TRPC4AP: variants seen among roughly 807,000 people sequenced by gnomAD.
The protein encoded by TRPC4AP is transient receptor potential cation channel subfamily C member 4 associated protein, also known as short transient receptor potential channel 4-associated protein.
TRPC4AP carries 45 observed loss-of-function variants against 99.0 expected under a neutral mutation model. The ratio of observed to expected loss-of-function variants is 0.45; its 90% CI spans 0.36 to 0.58. The LOEUF is 0.58. Among genes scored for constraint, TRPC4AP ranks in the 20% least tolerant of loss-of-function variants. The pLI, the probability that TRPC4AP is intolerant of heterozygous loss-of-function variation, is 0.00. For missense variants in TRPC4AP, 879 were observed against 985.3 expected (o/e 0.89, Z 1.44); for synonymous variants, 408 against 385.8 (o/e 1.06, Z -0.67).
chr20:35,019,291 G>A (rs533384448), intron 9 of TRPC4AP, among the ~76,000 whole-genome samples: 1 of 152,316 alleles, frequency 6.6e-6, no homozygotes, highest in Non-Finnish European at 1.5e-5. Flanking sequence ...TGGGGGGCCA[G>A]GATTTCAAGG....
intron 10 of TRPC4AP, among the ~76,000 whole-genome samples, chr20:35,015,277 G>A (rs1467143681): frequency 2.6e-5 from 4 of 151,784 alleles, no homozygotes; most frequent in Non-Finnish European, 5.9e-5. Flanking sequence ...CTGGGATTAC[G>A]GGTGTGACCA....
rs2083293877 is a variant in TRPC4AP at position 35,035,316 on chromosome 20, G to C, written c.866-8C>G. 6.2e-7 allele frequency: 1 copy of C among 1,611,190 alleles called. No homozygotes were observed. The highest frequency in any genetic ancestry group is 1.1e-5 in the South Asian group (1 of 90,722). On this transcript the variant is annotated splice_region_variant and splice_polypyrimidine_tract_variant and intron_variant, in intron 7 of 18. Coordinates refer to ENST00000252015, the MANE Select transcript of TRPC4AP (RefSeq NM_015638.3). ...GAATGCTGAGAAGGGCCGCTGCCAGGGAAAGAACAAGCGAGGAAATTTTCA... is the reference window on the plus strand; with the variant it reads ...GAATGCTGAGAAGGGCCGCTGCCAGCGAAAGAACAAGCGAGGAAATTTTCA...
intron 8 of TRPC4AP, among the ~76,000 whole-genome samples, chr20:35,028,432 C>T (rs146555090): frequency 3.9e-5 from 6 of 152,228 alleles, no homozygotes; most frequent in African/African-American, 1.4e-4. Flanking sequence ...TCCTGTTTGA[C>T]CCACTGGTTA....
At chr20:35,055,096 A>AT in intron 4 of TRPC4AP, 65 bp from the exon 5 acceptor site, 4 of 1,435,868 alleles carry the variant, frequency 2.8e-6, no homozygotes, top group Admixed American at 1.7e-5. Flanking sequence ...CAGTTACCAC[A>AT]TTTTTTTCAG....
intron 3 of TRPC4AP, among the ~76,000 whole-genome samples, chr20:35,061,694 G>A (rs2084012826): frequency 6.6e-6 from 1 of 152,126 alleles, no homozygotes; most frequent in Non-Finnish European, 1.5e-5. Context: ...TGCCTCACAT[G>A]ATAAACAAAG....
At position 35,021,353 on chromosome 20, in the gene TRPC4AP, G is replaced by A. The variant is rs771169325; in HGVS notation, c.1055C>T (p.Ser352Phe). The change falls in exon 9 of 19, where the codon TCC (serine) becomes TTC (phenylalanine). Residue 352 changes from serine (S) to phenylalanine (F), a missense_variant. This residue lies in a region of TRPC4AP where 603 missense variants were observed against 631.8 expected (regional missense o/e 0.95). Coordinates refer to ENST00000252015, the MANE Select transcript of TRPC4AP (RefSeq NM_015638.3). ...ANEESEHNQA[S>F]IVFPPPGASE... Reference sequence around the variant, plus strand: ...AGCCCCTGGAGGAGGGAACACAATGGAGGCTGACACAGCCACCGGAGACAG... The same window carrying A: ...AGCCCCTGGAGGAGGGAACACAATGAAGGCTGACACAGCCACCGGAGACAG... 6.2e-7 allele frequency: 1 copy of A among 1,613,466 alleles called. No individual in the cohort carries two copies. Among genetic ancestry groups the A allele is most frequent in the Non-Finnish European group, 8.5e-7 (1 of 1,179,638 alleles).
At chr20:35,064,859 A>G (rs1041161665) in intron 3 of TRPC4AP, among the ~76,000 whole-genome samples, 1 of 152,238 alleles carries the variant, frequency 6.6e-6, no homozygotes, top group African/African-American at 2.4e-5. Flanking sequence ...TCAACAAAAT[A>G]GATAGAATAA....
intron 4 of TRPC4AP, among the ~76,000 whole-genome samples, chr20:35,056,135 C>T (rs1234118432): frequency 6.6e-6 from 1 of 152,222 alleles, no homozygotes; most frequent in Non-Finnish European, 1.5e-5. Context: ...AGACGCTCTG[C>T]ATCCCTTATC....
intron 3 of TRPC4AP, among the ~76,000 whole-genome samples, chr20:35,067,269 G>C (rs1023741398): frequency 6.6e-6 from 1 of 152,232 alleles, no homozygotes; most frequent in African/African-American, 2.4e-5. Context: ...GGGACTGTTT[G>C]AGTCCGGGAG....
chr20:35,045,517 C>T (rs759335732), intron 6 of TRPC4AP, among the ~76,000 whole-genome samples: 6 of 152,036 alleles, frequency 3.9e-5, no homozygotes, highest in African/African-American at 7.2e-5. Context: ...ACTACAGGTG[C>T]GTGTCATTAC....
At chr20:35,063,835 T>A (rs886778019) in intron 3 of TRPC4AP, among the ~76,000 whole-genome samples, 4 of 152,204 alleles carry the variant, frequency 2.6e-5, no homozygotes, top group African/African-American at 9.7e-5. Flanking sequence ...CACTCCAGCC[T>A]GTGACACAGT....
Position 35,002,598 on chromosome 20 carries a change from C to A in TRPC4AP, c.*548G>T. 5.4e-6 allele frequency: 1 copy of A among 184,178 alleles called. No homozygotes were observed. The highest frequency in any genetic ancestry group is 1.1e-5 in the Non-Finnish European group (1 of 89,406). 11.4% of individuals were successfully genotyped at this position (184,178 alleles called of 1,614,324 possible). A position where few individuals can be genotyped will look rare whatever the true frequency, so the allele number is the denominator to read the frequency against. On this transcript the variant is annotated 3_prime_UTR_variant, in exon 19 of 19. Transcript: ENST00000252015. The stretch of plus-strand genomic sequence containing the variant: ...GGCCCCTCACTTCTGGGAGAACCCC[C>A]TTGGATGAACACAGCGGCCAATGAG...
At chr20:35,029,097 C>T (rs750318035) in intron 8 of TRPC4AP, among the ~76,000 whole-genome samples, 6 of 152,038 alleles carry the variant, frequency 3.9e-5, no homozygotes, top group Non-Finnish European at 7.4e-5. Context: ...AAAACACACA[C>T]AAAAATGAGC....
intron 9 of TRPC4AP, among the ~76,000 whole-genome samples, chr20:35,017,431 T>C (rs1183334694): frequency 6.6e-6 from 1 of 152,220 alleles, no homozygotes; most frequent in Non-Finnish European, 1.5e-5. Context: ...TTATATCTTT[T>C]AAAACAGAAC....
Position 35,035,317 on chromosome 20 carries a change from G to A in TRPC4AP, c.866-9C>T. ...AATGCTGAGAAGGGCCGCTGCCAGG[G>A]AAAGAACAAGCGAGGAAATTTTCAA... On this transcript the variant is annotated splice_polypyrimidine_tract_variant and intron_variant, in intron 7 of 18. Coordinates refer to ENST00000252015, the MANE Select transcript of TRPC4AP (RefSeq NM_015638.3). 2.5e-6 allele frequency: 4 copies of A among 1,611,624 alleles called. No homozygotes were observed. The highest frequency in any genetic ancestry group is 3.4e-6 in the Non-Finnish European group (4 of 1,178,792).
Position 35,069,333 on chromosome 20 carries a change from G to T in TRPC4AP, c.377C>A (p.Pro126Gln). ...ERKLTQETTY[P>Q]NTYIFDLFGG... ...AAACAAGTCAAAAATGTAAGTATTTGGATAAGTGGTTTCTTGGGTAAGTTT... is the reference window on the plus strand; with the variant it reads ...AAACAAGTCAAAAATGTAAGTATTTTGATAAGTGGTTTCTTGGGTAAGTTT... The change falls in exon 3 of 19, where the codon CCA becomes CAA. Residue 126 changes from proline to glutamine, a missense_variant. By Grantham distance (76) the Pro-to-Gln change is moderately conservative (BLOSUM62 -1). Transcript: ENST00000252015. The T allele has an allele frequency of 6.2e-7, 1 of 1,611,138 alleles. No homozygotes were observed. Among genetic ancestry groups the T allele is most frequent in the Non-Finnish European group, 8.5e-7 (1 of 1,177,502 alleles).
intron 1 of TRPC4AP, among the ~76,000 whole-genome samples, chr20:35,092,382 C>A (rs1303634599): frequency 1.3e-5 from 2 of 152,228 alleles, no homozygotes; most frequent in Non-Finnish European, 2.9e-5. Flanking sequence ...TACACGCCAT[C>A]AGTGTCCACA....
chr20:35,086,048 C>G (rs2084833709), intron 1 of TRPC4AP, among the ~76,000 whole-genome samples: 1 of 151,668 alleles, frequency 6.6e-6, no homozygotes, highest in South Asian at 2.1e-4. Context: ...CCCCCTTCCC[C>G]CTCCCAGCCC....
chr20:35,020,797 C>A (rs553982076), intron 9 of TRPC4AP, among the ~76,000 whole-genome samples: 2 of 152,282 alleles, frequency 1.3e-5, no homozygotes, highest in East Asian at 3.9e-4. Flanking sequence ...CCTGTACTTG[C>A]CCAGTTTTCC....
Sources: gnomAD v4.1 joint callset for allele counts (sites outside exome capture counted in the v4.1 genomes callset) on GRCh38, gnomAD v4.1.1 for gene constraint, gnomAD v4.1.1 regional missense constraint, MANE v1.5 for transcripts, NCBI Gene and HGNC (gene_info 2026-07-23, HGNC 2026-07-21) for gene names.